LRRIQ1: variants seen among roughly 807,000 people sequenced by gnomAD.
LRRIQ1 encodes leucine rich repeats and IQ motif containing 1, also known as leucine-rich repeat- and IQ domain-containing protein 1.
Under a neutral mutation model 211.9 loss-of-function variants are expected in LRRIQ1, and 210 were observed. The ratio of observed to expected loss-of-function variants is 0.99; its 90% CI spans 0.89 to 1.11. The LOEUF (loss-of-function observed/expected upper bound fraction) is 1.11, where lower values mean the gene tolerates loss of function less well. Ranked by LOEUF, LRRIQ1 falls within the 50% of genes most tolerant of loss-of-function variation. LRRIQ1 has a pLI of 0.00. For synonymous variants in LRRIQ1, 699 were observed against 650.1 expected (o/e 1.08, Z -1.14); for missense variants, 2,136 against 1,939.5 (o/e 1.10, Z -1.90).
intron 3 of LRRIQ1, 31 bp from the exon 4 acceptor site, chr12:85,044,687 T>C: frequency 2.6e-6 from 3 of 1,133,930 alleles, no homozygotes; most frequent in South Asian, 2.8e-5. Context: ...ACTCTAATAT[T>C]GGAAGTTATA....
intron 11 of LRRIQ1, among the ~76,000 whole-genome samples, chr12:85,094,027 T>C (rs1313808025): frequency 6.6e-6 from 1 of 152,192 alleles, no homozygotes; most frequent in Non-Finnish European, 1.5e-5. Flanking sequence ...ATGGTGGCCT[T>C]AAAAGTACAT....
chr12:85,197,049 T>C lies in LRRIQ1; in HGVS notation c.4823-32468T>C, dbSNP rs1182276011. Among the ~76,000 whole-genome samples, 32 of 151,876 alleles carry C rather than the reference T, an allele frequency of 2.1e-4. No homozygotes were observed. In the East Asian group the frequency reaches 6.2e-3, roughly 29 times the overall value. On this transcript the variant is annotated intron_variant, in intron 24 of 26. Coordinates refer to ENST00000393217, the MANE Select transcript of LRRIQ1 (RefSeq NM_001079910.2). Reference sequence around the variant, plus strand: ...AACAGACACTTCTCAAAAGAAGACATTTATGCAGCCAAAAAACACATGAAA... The same window carrying C: ...AACAGACACTTCTCAAAAGAAGACACTTATGCAGCCAAAAAACACATGAAA...
chr12:85,110,653 G>A (rs1038402036), intron 15 of LRRIQ1, among the ~76,000 whole-genome samples: 18 of 152,108 alleles, frequency 1.2e-4, no homozygotes, highest in Non-Finnish European at 1.3e-4. Context: ...GTGACAAGGA[G>A]AAACGGCCTT....
At chr12:85,096,072 T>C (rs1378551297) in intron 11 of LRRIQ1, among the ~76,000 whole-genome samples, 1 of 152,172 alleles carries the variant, frequency 6.6e-6, no homozygotes, top group Non-Finnish European at 1.5e-5. Context: ...TTAATCTAGC[T>C]AGTAGTCTAT....
Position 85,160,598 on chromosome 12 carries a change from A to G in LRRIQ1, c.4721-15A>G, listed in dbSNP as rs1199313982. On this transcript the variant is annotated splice_polypyrimidine_tract_variant and intron_variant, in intron 23 of 26. Coordinates refer to ENST00000393217, the MANE Select transcript of LRRIQ1 (RefSeq NM_001079910.2). ...CAAAGATGAACTCTGCTCCTTTCTTATTCGTTTTGTTTAGATTCCACTGTG... is the reference window on the plus strand; with the variant it reads ...CAAAGATGAACTCTGCTCCTTTCTTGTTCGTTTTGTTTAGATTCCACTGTG... 1 of 1,508,074 alleles carries G rather than the reference A, an allele frequency of 6.6e-7. No individual in the cohort carries two copies. Among genetic ancestry groups the G allele is most frequent in the South Asian group, 1.1e-5 (1 of 88,110 alleles). The allele number at this position is 1,508,074 out of a possible 1,614,324, so 93.4% of individuals were successfully genotyped here.
At chr12:85,139,286 C>G (rs1433770813) in intron 19 of LRRIQ1, among the ~76,000 whole-genome samples, 1 of 151,444 alleles carries the variant, frequency 6.6e-6, no homozygotes, top group African/African-American at 2.4e-5. Flanking sequence ...TGTAGACATT[C>G]TGTTACTAAA....
intron 11 of LRRIQ1, among the ~76,000 whole-genome samples, chr12:85,091,093 T>C (rs1050646693): frequency 6.6e-6 from 1 of 152,160 alleles, no homozygotes; most frequent in Non-Finnish European, 1.5e-5. Context: ...TTCTTTTTTT[T>C]ACCTTGTGAC....
At chr12:85,040,915 G>A (rs1354638404) in intron 3 of LRRIQ1, among the ~76,000 whole-genome samples, 1 of 151,410 alleles carries the variant, frequency 6.6e-6, no homozygotes, top group Non-Finnish European at 1.5e-5. Flanking sequence ...GGCAGTATCA[G>A]TATATACATC....
At chr12:85,085,159 T>C (rs1488672742) in intron 11 of LRRIQ1, among the ~76,000 whole-genome samples, 2 of 152,146 alleles carry the variant, frequency 1.3e-5, no homozygotes, top group Admixed American at 1.3e-4. Context: ...TGTATTAGTC[T>C]GTTTTCACAG....
chr12:85,240,478 G>A (rs892708134), intron 26 of LRRIQ1, among the ~76,000 whole-genome samples: 2 of 152,004 alleles, frequency 1.3e-5, no homozygotes, highest in Non-Finnish European at 2.9e-5. Context: ...CTTAACATAC[G>A]ACCTAATTAT....
chr12:85,229,737 G>A, intron 25 of LRRIQ1, 88 bp downstream of exon 25: 3 of 1,370,904 alleles, frequency 2.2e-6, no homozygotes, highest in Non-Finnish European at 2.0e-6. Context: ...AAACAAACAT[G>A]ACTTTATTGC....
intron 24 of LRRIQ1, among the ~76,000 whole-genome samples, chr12:85,201,869 A>G (rs1165400196): frequency 6.6e-6 from 1 of 151,566 alleles, no homozygotes; most frequent in African/African-American, 2.4e-5. Context: ...TCCTCTAGTT[A>G]TGGGGATAGG....
At chr12:85,086,346 G>A (rs1462112017) in intron 11 of LRRIQ1, among the ~76,000 whole-genome samples, 3 of 152,038 alleles carry the variant, frequency 2.0e-5, no homozygotes, top group Admixed American at 2.0e-4. Context: ...CTCCCTCATG[G>A]CATGGTGTTG....
chr12:85,058,693 C>T (rs547690318), intron 8 of LRRIQ1, among the ~76,000 whole-genome samples: 17 of 152,114 alleles, frequency 1.1e-4, no homozygotes, highest in African/African-American at 3.9e-4. Flanking sequence ...TTAACTCTTT[C>T]TTTTACTTCT....
Position 85,056,903 on chromosome 12 carries a change from C to T in LRRIQ1, c.2110C>T (p.Leu704Phe), listed in dbSNP as rs779979853. ...CATGGTATCTAAAGAAGTCAACTCTCTTAAATCTGAGATTAGAAATATTTC... is the reference window on the plus strand; with the variant it reads ...CATGGTATCTAAAGAAGTCAACTCTTTTAAATCTGAGATTAGAAATATTTC... Reference protein sequence around the residue: ...SSMVSKEVNSLKSEIRNISEK... With the variant: ...SSMVSKEVNSFKSEIRNISEK... Residue 704 changes from leucine (L) to phenylalanine (F), a missense_variant, in exon 8 of 27, where the codon CTT (leucine) becomes TTT (phenylalanine). By Grantham distance (22) the Leu-to-Phe change is conservative. Transcript: ENST00000393217. 2.2e-5 allele frequency: 35 copies of T among 1,613,098 alleles called. No homozygotes were observed. Among genetic ancestry groups the T allele is most frequent in the Non-Finnish European group, 2.1e-5 (25 of 1,179,560 alleles).
At chr12:85,188,674 A>G (rs1202877072) in intron 24 of LRRIQ1, among the ~76,000 whole-genome samples, 1 of 152,064 alleles carries the variant, frequency 6.6e-6, no homozygotes, top group Non-Finnish European at 1.5e-5. Flanking sequence ...AATGCCAACA[A>G]CTGTGGCTGT....
chr12:85,174,550 A>G (rs1891585790), intron 24 of LRRIQ1, among the ~76,000 whole-genome samples: 1 of 151,206 alleles, frequency 6.6e-6, no homozygotes, highest in African/African-American at 2.4e-5. Context: ...CAAAAAAAAA[A>G]AAATAGCTGG....
chr12:85,134,376 T>C (rs1228131605), intron 18 of LRRIQ1, among the ~76,000 whole-genome samples: 2 of 152,108 alleles, frequency 1.3e-5, no homozygotes, highest in African/African-American at 2.4e-5. Context: ...ATAGCATTTA[T>C]TTAGCATACA....
chr12:85,261,801 A>ATTTATTTATTTATTTGTTTG (rs752042225), intron 1 of LRRIQ1, among the ~76,000 whole-genome samples: 29 of 149,128 alleles, frequency 1.9e-4, no homozygotes, highest in African/African-American at 6.5e-4. Context: ...TTATTTATTT[A>ATTTATTTATTTATTTGTTTG]TTTTTGAGAC....
Sources: gnomAD v4.1 joint callset for allele counts (sites outside exome capture counted in the v4.1 genomes callset) on GRCh38, gnomAD v4.1.1 for gene constraint, MANE v1.5 for transcripts, NCBI Gene and HGNC (gene_info 2026-07-23, HGNC 2026-07-21) for gene names.